Variants in MKLN1 observed in about 807,000 individuals in gnomAD.
MKLN1 encodes muskelin.
MKLN1 carries 18 observed loss-of-function variants against 99.0 expected under a neutral mutation model. That is an observed-to-expected ratio of 0.18 (90% CI 0.13 to 0.27). The LOEUF (loss-of-function observed/expected upper bound fraction) is 0.27. Ranked by LOEUF, MKLN1 falls within the 10% of genes least tolerant of loss-of-function variation. MKLN1 has a pLI of 1.00. For missense variants in MKLN1, 621 were observed against 875.9 expected (o/e 0.71, Z 3.67); for synonymous variants, 288 against 293.2 (o/e 0.98, Z 0.18).
At chr7:131,255,567 A>G (rs1166770172) in intron 3 of MKLN1, among the ~76,000 whole-genome samples, 1 of 151,536 alleles carries the variant, frequency 6.6e-6, no homozygotes, top group African/African-American at 2.4e-5. Context: ...CTATCTATCT[A>G]TCATCTATCT....
chr7:131,441,166 A>G (rs1317085659), intron 10 of MKLN1, among the ~76,000 whole-genome samples: 1 of 152,140 alleles, frequency 6.6e-6, no homozygotes, highest in Non-Finnish European at 1.5e-5. Flanking sequence ...AGCAGGAAAA[A>G]CTTCAGTTGA....
intron 2 of MKLN1, among the ~76,000 whole-genome samples, chr7:131,198,523 G>C (rs1023638070): frequency 3.3e-5 from 5 of 149,526 alleles, no homozygotes; most frequent in African/African-American, 9.9e-5. Flanking sequence ...ATAGACAAAG[G>C]AAAAAATTTC....
At chr7:131,436,362 A>C (rs138551242) in intron 9 of MKLN1, among the ~76,000 whole-genome samples, 1 of 152,322 alleles carries the variant, frequency 6.6e-6, no homozygotes, top group East Asian at 1.9e-4. Context: ...TCAGTCATTC[A>C]TCAGGCTTTC....
At chr7:131,192,009 C>T (rs1243155797) in intron 2 of MKLN1, among the ~76,000 whole-genome samples, 4 of 143,600 alleles carry the variant, frequency 2.8e-5, no homozygotes, top group Middle Eastern at 3.5e-3. Context: ...TATGAGCCAC[C>T]GCGCCCAGCC....
intron 12 of MKLN1, among the ~76,000 whole-genome samples, chr7:131,451,935 A>G (rs1398216977): frequency 6.6e-6 from 1 of 152,244 alleles, no homozygotes; most frequent in African/African-American, 2.4e-5. Flanking sequence ...TATTCATTCA[A>G]GGAAGAAGCA....
chr7:131,227,058 T>A (rs977146053), intron 3 of MKLN1, among the ~76,000 whole-genome samples: 1 of 152,232 alleles, frequency 6.6e-6, no homozygotes, highest in South Asian at 2.1e-4. Flanking sequence ...CCTTCTATGG[T>A]CGACCTCAAA....
At chr7:131,324,425 C>G (rs17815356), upstream of MKLN1, 1 of 151,960 alleles carries the variant, frequency 6.6e-6, no homozygotes, top group Non-Finnish European at 1.5e-5. Flanking sequence ...AGATGTTTTA[C>G]CTAAAAGGAA....
chr7:131,390,918 C>G (rs1794180284), intron 4 of MKLN1, among the ~76,000 whole-genome samples: 1 of 151,946 alleles, frequency 6.6e-6, no homozygotes, highest in South Asian at 2.1e-4. Context: ...TTGGAGCTTT[C>G]CAAATAATAG....
intron 9 of MKLN1, among the ~76,000 whole-genome samples, chr7:131,437,534 A>T (rs1795709510): frequency 6.6e-6 from 1 of 152,184 alleles, no homozygotes; most frequent in African/African-American, 2.4e-5. Flanking sequence ...AGTGTAGTTC[A>T]TCTCATCTTT....
At chr7:131,126,590 G>T (rs775500759) in intron 1 of MKLN1, among the ~76,000 whole-genome samples, 10 of 152,042 alleles carry the variant, frequency 6.6e-5, no homozygotes, top group Non-Finnish European at 1.3e-4. Context: ...TTTCACTCTT[G>T]TCACCCAGGC....
At chr7:131,478,405 G>C in intron 16 of MKLN1, 1 of 420,006 alleles carries the variant, frequency 2.4e-6, no homozygotes. Context: ...ACATGGCCCA[G>C]TATTTTAGAA....
rs534138753 is a variant in MKLN1 at position 131,375,293 on chromosome 7, C to CT, written c.99-130dup. ...AGAAGCTTTCTGTGCTTTTCTTACT[C>CT]TGTTTTGTTTTCTATTCTTATTCAA... On this transcript the variant is annotated intron_variant, in intron 1 of 17. Coordinates refer to ENST00000352689, the MANE Select transcript of MKLN1 (RefSeq NM_013255.5). 406 of 601,428 alleles carry CT rather than the reference C, an allele frequency of 6.8e-4. 4 individuals are homozygous for CT. Among genetic ancestry groups the CT allele is most frequent in the African/African-American group, 5.6e-3 (300 of 54,016 alleles). 37.3% of individuals were successfully genotyped at this position (601,428 alleles called of 1,614,324 possible). A position where few individuals can be genotyped will look rare whatever the true frequency, so the allele number is the denominator to read the frequency against.
intron 9 of MKLN1, among the ~76,000 whole-genome samples, 186 bp downstream of exon 9, chr7:131,429,331 A>G (rs1042723721): frequency 1.3e-5 from 2 of 152,196 alleles, no homozygotes; most frequent in African/African-American, 2.4e-5. Flanking sequence ...AGCTACTGAT[A>G]CACAACCAAA....
intron 2 of MKLN1, among the ~76,000 whole-genome samples, chr7:131,200,236 A>T (rs1369518157): frequency 6.6e-6 from 1 of 152,214 alleles, no homozygotes; most frequent in African/African-American, 2.4e-5. Context: ...TCCTTCTCTT[A>T]CTGAGGTGAA....
At chr7:131,349,972 T>G (rs1173913516) in intron 1 of MKLN1, among the ~76,000 whole-genome samples, 1 of 150,204 alleles carries the variant, frequency 6.7e-6, no homozygotes, top group Non-Finnish European at 1.5e-5. Flanking sequence ...TACATGCTTA[T>G]TTTCAGTTGC....
chr7:131,469,711 G>A (rs1035833020), intron 15 of MKLN1, among the ~76,000 whole-genome samples: 13 of 152,120 alleles, frequency 8.5e-5, no homozygotes, highest in African/African-American at 3.1e-4. Flanking sequence ...TCTTTTCCTT[G>A]TCTGTATATT....
intron 2 of MKLN1, among the ~76,000 whole-genome samples, chr7:131,191,641 CTG>C (rs993349904): frequency 1.3e-5 from 2 of 151,972 alleles, no homozygotes; most frequent in African/African-American, 4.8e-5. Flanking sequence ...AGATAAAAAT[CTG>C]TGGCATCTTC....
intron 2 of MKLN1, among the ~76,000 whole-genome samples, chr7:131,177,114 GTACCC>G (rs1472358823): frequency 6.6e-6 from 1 of 152,086 alleles, no homozygotes; most frequent in Non-Finnish European, 1.5e-5. Context: ...TCTTTCTTTT[GTACCC>G]TACACAATCT....
intron 13 of MKLN1, 80 bp downstream of exon 13, chr7:131,463,444 G>T (rs1386533256): frequency 2.2e-6 from 3 of 1,393,494 alleles, no homozygotes; most frequent in Non-Finnish European, 3.0e-6. Context: ...AGAGAGAAAT[G>T]AGAGTATTAC....
Sources: allele counts gnomAD v4.1 joint callset (sites outside exome capture counted in the v4.1 genomes callset), GRCh38; gene constraint gnomAD v4.1.1; transcripts MANE v1.5; gene names NCBI Gene and HGNC (gene_info 2026-07-23, HGNC 2026-07-21).